Variants in AFG1L observed in about 807,000 individuals in gnomAD.
AFG1L encodes the protein AFG1-like ATPase.
Under a neutral mutation model 62.2 loss-of-function variants are expected in AFG1L, and 53 were observed. The ratio of observed to expected loss-of-function variants is 0.85; its 90% CI spans 0.68 to 1.07. AFG1L has a LOEUF of 1.07. AFG1L is among the 50% of genes least tolerant of loss of function. The pLI, the probability that AFG1L is intolerant of heterozygous loss-of-function variation, is 0.00. For synonymous variants in AFG1L, 228 were observed against 210.3 expected (o/e 1.08, Z -0.73); for missense variants, 555 against 590.5 (o/e 0.94, Z 0.62).
intron 2 of AFG1L, among the ~76,000 whole-genome samples, chr6:108,325,536 A>G (rs1778007985): frequency 6.6e-6 from 1 of 151,484 alleles, no homozygotes; most frequent in South Asian, 2.1e-4. Flanking sequence ...CCCAGGCTAG[A>G]GGGCAGTGGT....
intron 7 of AFG1L, among the ~76,000 whole-genome samples, chr6:108,427,015 G>A (rs538785498): frequency 6.6e-6 from 1 of 152,204 alleles, no homozygotes; most frequent in African/African-American, 2.4e-5. Flanking sequence ...ATATACCTTA[G>A]TCTGAGTTAT....
chr6:108,350,132 G>T (rs9320261), intron 3 of AFG1L, among the ~76,000 whole-genome samples: 2 of 151,174 alleles, frequency 1.3e-5, no homozygotes, highest in African/African-American at 2.4e-5. Context: ...TGAGGCAGAG[G>T]TTGCAGTGAG....
chr6:108,363,552 C>A (rs1779628932), intron 5 of AFG1L, among the ~76,000 whole-genome samples: 1 of 152,006 alleles, frequency 6.6e-6, no homozygotes, highest in Non-Finnish European at 1.5e-5. Flanking sequence ...TTAGGATCTT[C>A]ATTATGTCCT....
At position 108,525,528 on chromosome 6, in the gene AFG1L, A is replaced by T. The variant is rs570835451; in HGVS notation, c.*3103A>T. 1 of 152,374 alleles carries T rather than the reference A, an allele frequency of 6.6e-6. No homozygotes were observed. Among genetic ancestry groups the T allele is most frequent in the African/African-American group, 2.4e-5 (1 of 41,588 alleles). The allele number at this position is 152,374 out of a possible 1,614,324, so 9.4% of individuals were successfully genotyped here. A position where few individuals can be genotyped will look rare whatever the true frequency, so the allele number is the denominator to read the frequency against. ...ATTAGTTGGAATATTGAAAAAAATT[A>T]AAATTTCACTTGTAAAATAAGTGGA... On this transcript the variant is annotated 3_prime_UTR_variant, in exon 13 of 13. Transcript: ENST00000368977.
At chr6:108,485,639 T>TATATATTTTTTAA (rs1421123675) in intron 10 of AFG1L, among the ~76,000 whole-genome samples, 1 of 16,858 alleles carries the variant, frequency 5.9e-5, no homozygotes, top group African/African-American at 2.8e-4. Context: ...TATATATATA[T>TATATATTTTTTAA]ATATATATAT....
chr6:108,335,649 C>T (rs555368724), intron 2 of AFG1L, among the ~76,000 whole-genome samples: 4 of 152,166 alleles, frequency 2.6e-5, no homozygotes, highest in Non-Finnish European at 5.9e-5. Context: ...GAGTAATGCT[C>T]GTATCTCAAT....
chr6:108,460,952 G>A (rs1238318153), intron 8 of AFG1L, among the ~76,000 whole-genome samples: 3 of 152,154 alleles, frequency 2.0e-5, no homozygotes, highest in Non-Finnish European at 2.9e-5. Context: ...GCGAGACTCC[G>A]TCTCAACAAT....
intron 2 of AFG1L, among the ~76,000 whole-genome samples, chr6:108,332,438 T>A (rs1294873861): frequency 6.6e-6 from 1 of 152,188 alleles, no homozygotes; most frequent in Non-Finnish European, 1.5e-5. Flanking sequence ...TGTGAATTAG[T>A]AGGAAAAGGA....
intron 8 of AFG1L, among the ~76,000 whole-genome samples, chr6:108,473,801 C>T (rs1488675036): frequency 6.6e-6 from 1 of 152,284 alleles, no homozygotes; most frequent in Non-Finnish European, 1.5e-5. Flanking sequence ...TCAGATGATT[C>T]GCCCACCTCA....
chr6:108,387,696 GTT>G (rs1049323364), intron 6 of AFG1L: 1 of 151,980 alleles, frequency 6.6e-6, no homozygotes, highest in Non-Finnish European at 1.5e-5. Context: ...TGATTTTTAA[GTT>G]TTTTTTCTTT....
intron 7 of AFG1L, among the ~76,000 whole-genome samples, chr6:108,410,542 G>A (rs962849621): frequency 6.6e-5 from 10 of 152,226 alleles, no homozygotes; most frequent in Admixed American, 5.9e-4. Flanking sequence ...TACGCCCACA[G>A]ATATATGTTT....
intron 6 of AFG1L, among the ~76,000 whole-genome samples, chr6:108,401,192 G>T (rs1781591483): frequency 6.7e-6 from 1 of 149,418 alleles, no homozygotes; most frequent in Non-Finnish European, 1.5e-5. Flanking sequence ...CCGGACTGCG[G>T]ACTGCAGTGG....
chr6:108,435,383 G>A lies in AFG1L; in HGVS notation c.808-11831G>A, dbSNP rs1175952962. On this transcript the variant is annotated intron_variant, in intron 7 of 12. Transcript: ENST00000368977. The stretch of plus-strand genomic sequence containing the variant: ...GCTCAAAAATGTCAAGGTAGCACCT[G>A]AGTGTTTAGGTCTTACAACAGGGCT... Among the ~76,000 whole-genome samples, 8 of 152,164 alleles carry A rather than the reference G, an allele frequency of 5.3e-5. No homozygotes were observed. In the East Asian group the frequency reaches 1.3e-3, roughly 26 times the overall value.
intron 7 of AFG1L, among the ~76,000 whole-genome samples, chr6:108,411,050 G>A (rs990096171): frequency 5.9e-5 from 9 of 152,096 alleles, no homozygotes; most frequent in African/African-American, 1.9e-4. Flanking sequence ...CTGGAAAATC[G>A]GGACACTCCC....
chr6:108,323,388 G>A (rs914635940), intron 1 of AFG1L, among the ~76,000 whole-genome samples: 8 of 151,306 alleles, frequency 5.3e-5, no homozygotes, highest in South Asian at 4.2e-4. Flanking sequence ...TTTTGAGACC[G>A]AGTGTCACTC....
intron 2 of AFG1L, among the ~76,000 whole-genome samples, chr6:108,336,266 T>G (rs1582394973): frequency 6.6e-6 from 1 of 152,182 alleles, no homozygotes; most frequent in Admixed American, 6.5e-5. Context: ...TGGGAGATAA[T>G]AATGCAATGG....
chr6:108,524,478 T>C lies in AFG1L; in HGVS notation c.*2053T>C, dbSNP rs1273438558. On this transcript the variant is annotated 3_prime_UTR_variant, in exon 13 of 13. Coordinates refer to ENST00000368977, the MANE Select transcript of AFG1L (RefSeq NM_145315.5). ...TTTTTCCATCGAAACAATCACGTAA[T>C]GTTAGTTGGGGTGCTGGTCAAACGC... The C allele has an allele frequency of 6.6e-6, 1 of 152,220 alleles. No individual in the cohort carries two copies. The highest frequency in any genetic ancestry group is 1.9e-4 in the East Asian group (1 of 5,202). The allele number at this position is 152,220 out of a possible 1,614,324, so 9.4% of individuals were successfully genotyped here.
intron 10 of AFG1L, among the ~76,000 whole-genome samples, chr6:108,481,118 C>G (rs1236280154): frequency 2.0e-5 from 3 of 152,200 alleles, no homozygotes; most frequent in African/African-American, 7.2e-5. Flanking sequence ...AATAAAAATA[C>G]TTTCTCTTCC....
intron 7 of AFG1L, among the ~76,000 whole-genome samples, chr6:108,406,900 A>G (rs1283557): frequency 0.66 from 101,016 of 152,100 alleles, 35,572 homozygotes; most frequent in African/African-American, 0.92. Flanking sequence ...CTTTACTACC[A>G]GATATAGCTA....
Sources: gnomAD v4.1 joint callset for allele counts (sites outside exome capture counted in the v4.1 genomes callset) on GRCh38, gnomAD v4.1.1 for gene constraint, MANE v1.5 for transcripts, NCBI Gene and HGNC (gene_info 2026-07-23, HGNC 2026-07-21) for gene names.